The following PPWD1 variants were observed in gnomAD, a reference collection of about 807,000 sequenced individuals.
PPWD1 encodes peptidylprolyl isomerase domain and WD repeat-containing protein 1.
A neutral mutation model predicts 68.8 loss-of-function variants in PPWD1; 43 were observed. The ratio of observed to expected loss-of-function variants is 0.62; its 90% confidence interval spans 0.49 to 0.81. The LOEUF is 0.81. Ranked by LOEUF, PPWD1 falls within the 30% of genes least tolerant of loss-of-function variation. PPWD1 has a pLI of 0.00. For missense variants in PPWD1, 672 were observed against 804.8 expected, an observed-to-expected ratio of 0.83 and a Z score of 2.00; for synonymous variants, 232 against 258.7, an observed-to-expected ratio of 0.90 and a Z score of 0.99.
In PPWD1 at chr5:65,579,549, T is replaced by C; in HGVS notation, c.1286T>C (p.Leu429Pro). 6.2e-7 allele frequency: 1 copy of C among 1,609,360 alleles called. No homozygotes were observed. Among genetic ancestry groups the C allele is most frequent in the Non-Finnish European group, 8.5e-7 (1 of 1,178,516 alleles). Reference protein sequence around the residue: ...IEMKASENPVLQNIQADPTIV... With the variant: ...IEMKASENPVPQNIQADPTIV... ...ATGAAAGCTTCTGAAAATCCTGTTC[T>C]TCAGAATATTCAAGCTGACCCAACA... Residue 429 changes from leucine (L) to proline (P), a missense_variant, in exon 7 of 11, where the codon CTT becomes CCT. Leu to Pro is a moderately conservative substitution (Grantham distance 98, BLOSUM62 -3). Transcript: ENST00000261308.
rs770081126 is a variant in PPWD1 at position 65,579,446 on chromosome 5, C to G, written c.1183C>G (p.Gln395Glu). The change falls in exon 7 of 11, where the codon CAA becomes GAA. Residue 395 changes from glutamine to glutamate, a missense_variant. By Grantham distance (29) the Gln-to-Glu change is conservative (BLOSUM62 2). Coordinates refer to ENST00000261308, the MANE Select transcript of PPWD1 (RefSeq NM_015342.4). ...TAGGTGTGTGCGGATTTTAGGCAAA[C>G]AAGAAAATATTAGAGTGATGCAATT... The part of the protein sequence containing the change: ...TNRCVRILGK[Q>E]ENIRVMQLAL... 6.4e-7 allele frequency: 1 copy of G among 1,563,188 alleles called. No individual in the cohort carries two copies. The highest frequency in any genetic ancestry group is 2.0e-5 in the Admixed American group (1 of 49,430).
At position 65,563,347 on chromosome 5, in the gene PPWD1, C is replaced by G; in HGVS notation, c.37C>G (p.Arg13Gly). The change falls in exon 1 of 11, where the codon CGT becomes GGT. Residue 13 changes from arginine (R) to glycine (G), a missense_variant. Physicochemically the swap from Arg to Gly is moderately radical, Grantham distance 125. This residue lies in a region of PPWD1 where 188 missense variants were observed against 158.6 expected (regional missense o/e 1.19). Coordinates refer to ENST00000261308, the MANE Select transcript of PPWD1 (RefSeq NM_015342.4). ...AAGTGGTAGCGATTTTCAGCAGAGA[C>G]GTAGAAGGCGCCGGGACCCGGAGGA... ...AESGSDFQQR[R>G]RRRRDPEEPE... 1.9e-6 allele frequency: 3 copies of G among 1,613,930 alleles called. No homozygotes were observed. Among genetic ancestry groups the G allele is most frequent in the Non-Finnish European group, 2.5e-6 (3 of 1,179,960 alleles).
chr5:65,587,297 A>G lies in PPWD1; in HGVS notation c.1842A>G (p.Lys614=). 6.2e-7 allele frequency: 1 copy of G among 1,612,464 alleles called. No individual in the cohort carries two copies. The highest frequency in any genetic ancestry group is 8.5e-7 in the Non-Finnish European group (1 of 1,178,808). ...NKHTVFGRVT[K]GMEVVQRISN... ...ATACAGTATTTGGACGAGTGACTAA[A>G]GGAATGGAAGTTGTACAGAGGATCT... The change falls in exon 11 of 11, where the codon AAA becomes AAG. Residue 614 remains lysine, a synonymous_variant. Transcript: ENST00000261308.
intron 5 of PPWD1, among the ~76,000 whole-genome samples, chr5:65,574,321 T>C (rs1482116435): frequency 6.6e-6 from 1 of 152,232 alleles, no homozygotes; most frequent in Non-Finnish European, 1.5e-5. Flanking sequence ...ATACTTTCTT[T>C]AATGGTGGCA....
Position 65,571,853 on chromosome 5 carries a change from A to G in PPWD1, c.536A>G (p.Gln179Arg), listed in dbSNP as rs1753019556. Residue 179 changes from glutamine (Q) to arginine (R), a missense_variant, in exon 5 of 11, where the codon CAG becomes CGG. This residue lies in a region of PPWD1 where 484 missense variants were observed against 646.2 expected (regional missense o/e 0.75). Transcript: ENST00000261308. ...TACGATTTTAGCTATTTTCCTGGACAGTGTGAGTGGATCTATTGCCCAGGG... is the reference window on the plus strand; with the variant it reads ...TACGATTTTAGCTATTTTCCTGGACGGTGTGAGTGGATCTATTGCCCAGGG... ...NMLKLGYFPG[Q>R]CEWIYCPGDA... 6.2e-7 allele frequency: 1 copy of G among 1,613,584 alleles called. No individual in the cohort carries two copies. The highest frequency in any genetic ancestry group is 8.5e-7 in the Non-Finnish European group (1 of 1,179,694).
At chr5:65,563,563 G>C (rs1451446399) in intron 1 of PPWD1, 57 bp downstream of exon 1, 1 of 1,535,188 alleles carries the variant, frequency 6.5e-7, no homozygotes, top group African/African-American at 1.4e-5. Context: ...TGAGTAGGAG[G>C]GTTCAAGCCA....
rs557250734 is a variant in PPWD1, at chr5:65,580,773, C to CA, written c.1350+1163dup. Among the ~76,000 whole-genome samples the CA allele has an allele frequency of 3.3e-4, 50 of 152,294 alleles. No individual in the cohort carries two copies. In the South Asian group the frequency reaches 0.01, roughly 32 times the overall value. ...AGGTAATCCACCTGACTCAGCCTCCCAAAGTGCTGGAATTACAGGCGTGAG... is the reference window on the plus strand; with the variant it reads ...AGGTAATCCACCTGACTCAGCCTCCCAAAAGTGCTGGAATTACAGGCGTGAG... On this transcript the variant is annotated intron_variant, in intron 7 of 10. Transcript: ENST00000261308.
chr5:65,565,050 T>C (rs1051417529), intron 1 of PPWD1, among the ~76,000 whole-genome samples: 5 of 152,368 alleles, frequency 3.3e-5, no homozygotes, highest in African/African-American at 1.2e-4. Context: ...ACGTTGTATA[T>C]TGACACCCTT....
Position 65,587,404 on chromosome 5 carries a change from T to TC in PPWD1, c.*8_*9insC. The TC allele has an allele frequency of 6.3e-7, 1 of 1,591,604 alleles. No individual in the cohort carries two copies. Among genetic ancestry groups the TC allele is most frequent in the Non-Finnish European group, 8.6e-7 (1 of 1,163,158 alleles). ...AATATTACTGTCAAGTAAAATAAGA[T>TC]TTGTTTTAATGTACTTGCAAATAAA... On this transcript the variant is annotated 3_prime_UTR_variant, in exon 11 of 11. Coordinates refer to ENST00000261308, the MANE Select transcript of PPWD1 (RefSeq NM_015342.4).
chr5:65,576,760 G>C, intron 5 of PPWD1, 119 bp from the exon 6 acceptor site: 1 of 1,406,792 alleles, frequency 7.1e-7, no homozygotes, highest in Non-Finnish European at 9.4e-7. Flanking sequence ...AACAGTTAGT[G>C]GCTCTTAATA....
At position 65,579,513 on chromosome 5, in the gene PPWD1, C is replaced by A; in HGVS notation, c.1250C>A (p.Thr417Asn). 1 of 1,611,266 alleles carries A rather than the reference C, an allele frequency of 6.2e-7. No homozygotes were observed. Among genetic ancestry groups the A allele is most frequent in the Non-Finnish European group, 8.5e-7 (1 of 1,179,032 alleles). ...QGIAKKHRAA[T>N]TIEMKASENP... ...ATAGCCAAAAAGCATCGTGCTGCAA[C>A]TACTATAGAAATGAAAGCTTCTGAA... The change falls in exon 7 of 11, where the codon ACT becomes AAT. Residue 417 changes from threonine to asparagine, a missense_variant. Physicochemically the swap from Thr to Asn is moderately conservative, Grantham distance 65. Coordinates refer to ENST00000261308, the MANE Select transcript of PPWD1 (RefSeq NM_015342.4).
At chr5:65,573,533 TTTTTTTTTTTTTTTTTTTTTA>T (rs1258740240) in intron 5 of PPWD1, among the ~76,000 whole-genome samples, 1,121 of 45,146 alleles carry the variant, frequency 0.025, 69 homozygotes, top group Non-Finnish European at 0.039. Flanking sequence ...TTTTTTTTTT[TTTTTTTTTTTTTTTTTTTTTA>T]AGTACAGACG....
Position 65,563,458 on chromosome 5 carries a change from T to TG in PPWD1, c.151dup (p.Val51GlyfsTer20). ...GAACGATGAGGAGAACGAAGAGCGC[T>TG]GGGTTGGACCTTTACCTGTGGAGGC... On this transcript the variant is annotated frameshift_variant, in exon 1 of 11. Transcript: ENST00000261308. LOFTEE classifies it high-confidence loss of function. The TG allele has an allele frequency of 6.2e-7, 1 of 1,614,006 alleles. No homozygotes were observed. Among genetic ancestry groups the TG allele is most frequent in the Non-Finnish European group, 8.5e-7 (1 of 1,179,982 alleles).
At chr5:65,564,316 CTCTTTTTTTT>C (rs1326284906) in intron 1 of PPWD1, among the ~76,000 whole-genome samples, 3 of 127,134 alleles carry the variant, frequency 2.4e-5, no homozygotes, top group African/African-American at 9.1e-5. Context: ...TATTTTCTCT[CTCTTTTTTTT>C]TTTTTTTTTT....
intron 5 of PPWD1, among the ~76,000 whole-genome samples, chr5:65,573,512 G>T (rs1753121552): frequency 1.1e-4 from 3 of 26,224 alleles, no homozygotes; most frequent in African/African-American, 1.6e-4. Context: ...TTTTAGTACA[G>T]ATGGTTTTTT....
At position 65,584,937 on chromosome 5, in the gene PPWD1, T is replaced by G. The variant is rs1561733646; in HGVS notation, c.1533-77T>G. On this transcript the variant is annotated intron_variant, in intron 8 of 10. Coordinates refer to ENST00000261308, the MANE Select transcript of PPWD1 (RefSeq NM_015342.4). ...AGAAGACATGGAAAGGAAACATCAT[T>G]AGGAAGCAGAACTGCAAAGAAAACT... 2.0e-6 allele frequency: 3 copies of G among 1,526,426 alleles called. No homozygotes were observed. The East Asian group carries it at 6.9e-5, about 35-fold the overall frequency. The allele number at this position is 1,526,426 out of a possible 1,614,324, so 94.6% of individuals were successfully genotyped here.
chr5:65,576,640 G>C lies in PPWD1; in HGVS notation c.970-239G>C, dbSNP rs968709351. ...TCCACCTGCCTTGGCCTCCCAAAAT[G>C]CTGGGATTAGAGGCATAAGCCACCA... On this transcript the variant is annotated intron_variant, in intron 5 of 10. Coordinates refer to ENST00000261308, the MANE Select transcript of PPWD1 (RefSeq NM_015342.4). Among the ~76,000 whole-genome samples, 41 of 152,134 alleles carry C rather than the reference G, an allele frequency of 2.7e-4. 1 individual carries two copies. Among genetic ancestry groups the C allele is most frequent in the African/African-American group, 9.7e-4 (40 of 41,426 alleles).
In PPWD1 at chr5:65,563,711, A is replaced by G. The variant is rs1286929903; in HGVS notation, c.196+205A>G. ...GTACAACGTCTTTTTGATAATATCT[A>G]ACACTTTTGATCATTGATTTGTTAT... On this transcript the variant is annotated intron_variant, in intron 1 of 10. Coordinates refer to ENST00000261308, the MANE Select transcript of PPWD1 (RefSeq NM_015342.4). The G allele has an allele frequency of 1.9e-5, 27 of 1,400,356 alleles. No individual in the cohort carries two copies. In the South Asian group the frequency reaches 2.7e-4, roughly 14 times the overall value. 86.7% of individuals were successfully genotyped at this position (1,400,356 alleles called of 1,614,324 possible). A position where few individuals can be genotyped will look rare whatever the true frequency, so the allele number is the denominator to read the frequency against.
intron 1 of PPWD1, among the ~76,000 whole-genome samples, chr5:65,566,944 G>A (rs1467661245): frequency 3.3e-5 from 5 of 151,096 alleles, no homozygotes; most frequent in Admixed American, 3.3e-4. Context: ...GAAAAAATTT[G>A]AGATACATTC....
Sources: allele counts gnomAD v4.1 joint callset (sites outside exome capture counted in the v4.1 genomes callset), GRCh38; gene constraint gnomAD v4.1.1; regional missense constraint gnomAD v4.1.1; transcripts MANE v1.5; gene names NCBI Gene and HGNC (gene_info 2026-07-23, HGNC 2026-07-21).